MMP17: variants seen among roughly 807,000 people sequenced by gnomAD.
MMP17 encodes the protein matrix metallopeptidase 17.
In MMP17, 54 loss-of-function variants were observed where a neutral mutation model predicts 49.1. That is an observed-to-expected ratio of 1.10 (90% confidence interval 0.88 to 1.38). The LOEUF is 1.38. MMP17 is among the 40% of genes most tolerant of loss of function. The pLI, the probability that MMP17 is intolerant of heterozygous loss-of-function variation, is 0.00. For missense variants in MMP17, 837 were observed against 853.7 expected, an observed-to-expected ratio of 0.98 and a Z score of 0.24; for synonymous variants, 397 against 383.1, an observed-to-expected ratio of 1.04 and a Z score of -0.42.
intron 1 of MMP17, among the ~76,000 whole-genome samples, chr12:131,834,690 G>A (rs1376776852): frequency 6.6e-6 from 1 of 152,058 alleles, no homozygotes; most frequent in East Asian, 1.9e-4. Flanking sequence ...GCTGCTGGCT[G>A]CAGTGGGGGG....
intron 6 of MMP17, 179 bp from the exon 7 acceptor site, chr12:131,844,939 T>TCATTCA: frequency 1.9e-6 from 1 of 534,522 alleles, no homozygotes; most frequent in Non-Finnish European, 3.3e-6. Context: ...CCCCGCCCGC[T>TCATTCA]GAAGCGGTGG....
chr12:131,849,834 G>A lies in MMP17; in HGVS notation c.1237G>A (p.Val413Ile), dbSNP rs142421137. The change falls in exon 9 of 10, where the codon GTA (valine) becomes ATA (isoleucine). Residue 413 changes from valine to isoleucine, a missense_variant. Physicochemically the swap from Val to Ile is conservative, Grantham distance 29. Transcript: ENST00000360564. ...GTACTGGGTGTTCAAGGACAATAAC[G>A]TAGAGGAAGGATACCCGCGCCCCGT... ...DRYWVFKDNN[V>I]EEGYPRPVSD... is the part of the protein sequence containing the mutation. The A allele has an allele frequency of 3.5e-4, 572 of 1,613,902 alleles. No individual in the cohort carries two copies. Among genetic ancestry groups the A allele is most frequent in the Non-Finnish European group, 4.4e-4 (521 of 1,179,974 alleles).
rs371736817 is a variant in MMP17 at position 131,845,436 on chromosome 12, C to T, written c.1191C>T (p.Ile397=). 3.8e-5 allele frequency: 59 copies of T among 1,570,344 alleles called. No individual in the cohort carries two copies. The African/African-American group carries it at 4.3e-4, about 11-fold the overall frequency. ...AVYERTSDHK[I]VFFKGDRYWV... is the part of the protein sequence containing the mutation. ...ACGAGCGCACCAGCGACCACAAGAT[C>T]GTCTTCTTTAAAGGTGGGTGGGCCT... is the stretch of plus-strand genomic sequence containing the variant. The change falls in exon 8 of 10, where the codon ATC becomes ATT. Residue 397 remains isoleucine, a synonymous_variant. Transcript: ENST00000360564.
In MMP17 at chr12:131,844,056, C is replaced by T. The variant is rs1459949469; in HGVS notation, c.943C>T (p.Pro315Ser). ...CGAGGAGCCTCCCCTGCTGCCGGAG[C>T]CCCCAGACAACCGGTCCAGCGCCCC... ...QPEEPPLLPEPPDNRSSAPPR... is the reference protein window; with the variant it reads ...QPEEPPLLPESPDNRSSAPPR... Residue 315 changes from proline (P) to serine (S), a missense_variant, in exon 6 of 10, where the codon CCC becomes TCC. Pro to Ser is a moderately conservative substitution (Grantham distance 74). Coordinates refer to ENST00000360564, the MANE Select transcript of MMP17 (RefSeq NM_016155.7). The T allele has an allele frequency of 6.4e-7, 1 of 1,567,472 alleles. No homozygotes were observed. The highest frequency in any genetic ancestry group is 1.2e-5 in the South Asian group (1 of 85,766).
intron 1 of MMP17, among the ~76,000 whole-genome samples, chr12:131,835,915 A>G (rs1887060241): frequency 6.6e-6 from 1 of 152,334 alleles, no homozygotes; most frequent in African/African-American, 2.4e-5. Flanking sequence ...ACCCTCAGTA[A>G]ACCCTGCAGG....
At position 131,851,079 on chromosome 12, in the gene MMP17, AGAGGGGC is replaced by A; in HGVS notation, c.1618_1624del (p.Glu540ProfsTer60). ...CTGTGGCTGCGGGCGTGGACGCGGCAGAGGGGCCCCGCGCCCCTCCAGGACAACATGA... is the reference window on the plus strand; with the variant it reads ...CTGTGGCTGCGGGCGTGGACGCGGCACCCGCGCCCCTCCAGGACAACATGA... On this transcript the variant is annotated frameshift_variant, in exon 10 of 10. Coordinates refer to ENST00000360564, the MANE Select transcript of MMP17 (RefSeq NM_016155.7). LOFTEE classifies it low-confidence loss of function (END_TRUNC). The A allele has an allele frequency of 6.2e-7, 1 of 1,605,658 alleles. No individual in the cohort carries two copies. Among genetic ancestry groups the A allele is most frequent in the Non-Finnish European group, 8.5e-7 (1 of 1,176,620 alleles).
At chr12:131,833,415 G>A (rs530217900) in intron 1 of MMP17, among the ~76,000 whole-genome samples, 1 of 152,322 alleles carries the variant, frequency 6.6e-6, no homozygotes, top group Admixed American at 6.5e-5. Context: ...GGGGTCCCGC[G>A]GTCTCAGTCT....
In MMP17 at chr12:131,851,283, G is replaced by A. The variant is rs1460691703; in HGVS notation, c.*9G>A. On this transcript the variant is annotated 3_prime_UTR_variant, in exon 10 of 10. Coordinates refer to ENST00000360564, the MANE Select transcript of MMP17 (RefSeq NM_016155.7). ...AGGCCCTGACGCTATGACACACAGC[G>A]CGAGCCCATGAGAGGACAGAGGCGG... 13 of 1,399,706 alleles carry A rather than the reference G, an allele frequency of 9.3e-6. No homozygotes were observed. Among genetic ancestry groups the A allele is most frequent in the African/African-American group, 7.4e-5 (5 of 67,160 alleles). 86.7% of individuals were successfully genotyped at this position (1,399,706 alleles called of 1,614,324 possible). A position where few individuals can be genotyped will look rare whatever the true frequency, so the allele number is the denominator to read the frequency against.
At chr12:131,830,319 C>T (rs912470974) in intron 1 of MMP17, among the ~76,000 whole-genome samples, 5 of 152,286 alleles carry the variant, frequency 3.3e-5, no homozygotes, top group Non-Finnish European at 4.4e-5. Flanking sequence ...CCGCGCCCTG[C>T]GACAGCACCG....
intron 1 of MMP17, among the ~76,000 whole-genome samples, chr12:131,833,579 T>C (rs1298358961): frequency 6.6e-6 from 1 of 152,234 alleles, no homozygotes; most frequent in Non-Finnish European, 1.5e-5. Flanking sequence ...ACGTGGTTGC[T>C]GGGACCACAC....
At chr12:131,838,496 G>T (rs1887200745) in intron 2 of MMP17, 116 bp from the exon 3 acceptor site, 1 of 1,466,570 alleles carries the variant, frequency 6.8e-7, no homozygotes, top group Non-Finnish European at 9.0e-7. Flanking sequence ...GACGTGGGAG[G>T]AGGGGGCGGC....
intron 6 of MMP17, 63 bp from the exon 7 acceptor site, chr12:131,845,055 A>G (rs984954510): frequency 4.6e-5 from 66 of 1,438,406 alleles, no homozygotes; most frequent in Non-Finnish European, 5.9e-5. Context: ...GCTCTGCCGC[A>G]GGATGCCCTG....
intron 9 of MMP17, 48 bp downstream of exon 9, chr12:131,850,107 C>T (rs759464824): frequency 1.3e-6 from 2 of 1,546,198 alleles, no homozygotes; most frequent in Non-Finnish European, 1.7e-6. Context: ...GTTTCCCCAC[C>T]AGGAGAGGGG....
Position 131,851,456 on chromosome 12 carries a change from G to A in MMP17, c.*182G>A. The A allele has an allele frequency of 2.1e-6, 1 of 478,808 alleles. No individual in the cohort carries two copies. Among genetic ancestry groups the A allele is most frequent in the Non-Finnish European group, 3.4e-6 (1 of 292,514 alleles). 29.7% of individuals were successfully genotyped at this position (478,808 alleles called of 1,614,324 possible). On this transcript the variant is annotated 3_prime_UTR_variant, in exon 10 of 10. Coordinates refer to ENST00000360564, the MANE Select transcript of MMP17 (RefSeq NM_016155.7). ...TGGGCAGGCTCAGGTGGCAAGGACG[G>A]AGCTGTCCCCTAGTGAGGGACTGTG...
At chr12:131,842,314 C>T (rs10751700) in intron 5 of MMP17, among the ~76,000 whole-genome samples, 59,196 of 151,894 alleles carry the variant, frequency 0.39, 12,588 homozygotes, top group East Asian at 0.5. Flanking sequence ...GACGCGGTCA[C>T]CTCACTTATA....
At position 131,851,097 on chromosome 12, in the gene MMP17, T is replaced by C; in HGVS notation, c.1635T>C (p.Pro545=). Residue 545 remains proline, a synonymous_variant, in exon 10 of 10, where the codon CCT becomes CCC. Coordinates refer to ENST00000360564, the MANE Select transcript of MMP17 (RefSeq NM_016155.7). The part of the protein sequence containing the change: ...GVDAAEGPRA[P]PGQHDQSRSE... ...ACGCGGCAGAGGGGCCCCGCGCCCC[T>C]CCAGGACAACATGACCAGAGCCGCT... 6.2e-7 allele frequency: 1 copy of C among 1,600,544 alleles called. No homozygotes were observed. The highest frequency in any genetic ancestry group is 8.5e-7 in the Non-Finnish European group (1 of 1,174,346).
At chr12:131,835,163 C>T (rs1440469495) in intron 1 of MMP17, among the ~76,000 whole-genome samples, 5 of 152,236 alleles carry the variant, frequency 3.3e-5, no homozygotes, top group African/African-American at 1.2e-4. Context: ...GCCCCCTGAG[C>T]ACAAACTCGT....
intron 3 of MMP17, among the ~76,000 whole-genome samples, chr12:131,838,955 G>A (rs925404913): frequency 1.1e-4 from 17 of 152,162 alleles, no homozygotes; most frequent in African/African-American, 2.7e-4. Flanking sequence ...AGGCGGGTGC[G>A]TGGCCAGGGT....
chr12:131,831,727 C>A (rs1274231520), intron 1 of MMP17, among the ~76,000 whole-genome samples: 1 of 145,884 alleles, frequency 6.9e-6, no homozygotes, highest in Non-Finnish European at 1.5e-5. Flanking sequence ...GCCTCAGTCT[C>A]CCTGTCTGCG....
Sources: allele counts gnomAD v4.1 joint callset (sites outside exome capture counted in the v4.1 genomes callset), GRCh38; gene constraint gnomAD v4.1.1; transcripts MANE v1.5; gene names NCBI Gene and HGNC (gene_info 2026-07-23, HGNC 2026-07-21).